ACAD9: variants seen among roughly 807,000 people sequenced by gnomAD.
The protein encoded by ACAD9 is acyl-CoA dehydrogenase family member 9, also known as complex I assembly factor ACAD9, mitochondrial.
Under a neutral mutation model 70.2 loss-of-function variants are expected in ACAD9, and 53 were observed. The ratio of observed to expected loss-of-function variants is 0.75; its 90% CI spans 0.61 to 0.95. The LOEUF (loss-of-function observed/expected upper bound fraction) is 0.95, where lower values mean the gene tolerates loss of function less well. Ranked by LOEUF, ACAD9 falls within the 40% of genes least tolerant of loss-of-function variation. The pLI, the probability that ACAD9 is intolerant of heterozygous loss-of-function variation, is 0.00. For missense variants in ACAD9, 777 were observed against 802.8 expected (o/e 0.97, Z 0.39); for synonymous variants, 313 against 312.1 (o/e 1.00, Z -0.03).
chr3:128,908,089 G>C, intron 12 of ACAD9, 96 bp from the exon 13 acceptor site: 1 of 1,184,780 alleles, frequency 8.4e-7, no homozygotes, highest in African/African-American at 1.5e-5. Context: ...GTGGCAATGG[G>C]CAAGCAGGCA....
chr3:128,893,802 G>A (rs1434095942), intron 3 of ACAD9, 146 bp downstream of exon 3: 3 of 721,038 alleles, frequency 4.2e-6, no homozygotes, highest in African/African-American at 1.7e-5. Flanking sequence ...GACCTGTAGG[G>A]AGGAAGTGTT....
intron 1 of ACAD9, 65 bp from the exon 2 acceptor site, chr3:128,884,588 C>A: frequency 8.3e-7 from 1 of 1,211,676 alleles, no homozygotes; most frequent in Non-Finnish European, 1.2e-6. Flanking sequence ...TCCCTTTTAA[C>A]TGATATTTCC....
intron 2 of ACAD9, among the ~76,000 whole-genome samples, chr3:128,885,548 T>C (rs1194705660): frequency 8.5e-5 from 13 of 152,100 alleles, no homozygotes; most frequent in Admixed American, 8.5e-4. Flanking sequence ...CGCACCCCCA[T>C]GCCCAGCTAA....
intron 6 of ACAD9, chr3:128,898,450 G>C (rs1209085091): frequency 2.3e-6 from 1 of 430,324 alleles, no homozygotes; most frequent in Admixed American, 2.5e-5. Context: ...CTGTCACCCA[G>C]GCTGGAGTGC....
chr3:128,903,506 A>G (rs1011645737), intron 9 of ACAD9, among the ~76,000 whole-genome samples: 1 of 152,164 alleles, frequency 6.6e-6, no homozygotes, highest in African/African-American at 2.4e-5. Context: ...TGTGGAGGAC[A>G]TGGCTATGGC....
At chr3:128,906,286 C>G in intron 12 of ACAD9, 37 bp downstream of exon 12, 1 of 1,612,358 alleles carries the variant, frequency 6.2e-7, no homozygotes. Flanking sequence ...TGTGCTCCAC[C>G]CCCACCCTGC....
chr3:128,879,709 C>G lies in ACAD9; in HGVS notation c.18C>G (p.Leu6=). The G allele has an allele frequency of 1.9e-6, 3 of 1,612,872 alleles. No individual in the cohort carries two copies. Among genetic ancestry groups the G allele is most frequent in the Non-Finnish European group, 2.5e-6 (3 of 1,179,926 alleles). The change falls in exon 1 of 18, where the codon CTC becomes CTG. Residue 6 remains leucine, a synonymous_variant. Transcript: ENST00000308982. ...CGGGCAGCATGAGCGGCTGCGGGCT[C>G]TTCCTGCGCACCACGGCTGCGGCTC... MSGCG[L]FLRTTAAARA... is the part of the protein sequence containing the mutation.
intron 2 of ACAD9, among the ~76,000 whole-genome samples, chr3:128,887,062 A>T (rs1003154313): frequency 1.3e-5 from 2 of 150,734 alleles, no homozygotes; most frequent in Non-Finnish European, 2.9e-5. Context: ...AGTAGCTGGA[A>T]TTATAGCACG....
chr3:128,896,381 C>T, intron 4 of ACAD9, 55 bp from the exon 5 acceptor site: 1 of 1,533,012 alleles, frequency 6.5e-7, no homozygotes, highest in Non-Finnish European at 9.0e-7. Context: ...TCACAAACAC[C>T]TCATGCTCTC....
chr3:128,886,714 GA>G (rs1162374201), intron 2 of ACAD9, among the ~76,000 whole-genome samples: 6 of 90,172 alleles, frequency 6.7e-5, no homozygotes, highest in South Asian at 3.6e-4. Context: ...GTCTCAAAAA[GA>G]AAAAAAAAAG....
In ACAD9 at chr3:128,910,085, T is replaced by C; in HGVS notation, c.1628T>C (p.Met543Thr). Reference sequence around the variant, plus strand: ...AACATCCTCATCAACCTGTATGGCATGACGGCCGTGCTGTCGCGGGCCAGC... The same window carrying C: ...AACATCCTCATCAACCTGTATGGCACGACGGCCGTGCTGTCGCGGGCCAGC... ...VANILINLYG[M>T]TAVLSRASRS... is the part of the protein sequence containing the mutation. Residue 543 changes from methionine to threonine, a missense_variant, in exon 16 of 18, where the codon ATG becomes ACG. Coordinates refer to ENST00000308982, the MANE Select transcript of ACAD9 (RefSeq NM_014049.5). The C allele has an allele frequency of 6.2e-7, 1 of 1,614,016 alleles. No individual in the cohort carries two copies. The highest frequency in any genetic ancestry group is 8.5e-7 in the Non-Finnish European group (1 of 1,180,016).
chr3:128,904,413 G>A lies in ACAD9; in HGVS notation c.1057G>A (p.Ala353Thr). ...QEKFALMAQKAYVMESMTYLT... is the reference protein window; with the variant it reads ...QEKFALMAQKTYVMESMTYLT... ...GAAATTTGCACTGATGGCTCAGAAGGCTTACGTCATGGAGAGTATGACCTA... is the reference window on the plus strand; with the variant it reads ...GAAATTTGCACTGATGGCTCAGAAGACTTACGTCATGGAGAGTATGACCTA... Residue 353 changes from alanine to threonine, a missense_variant, in exon 11 of 18, where the codon GCT becomes ACT. Physicochemically the swap from Ala to Thr is moderately conservative, Grantham distance 58. Transcript: ENST00000308982. 6.2e-7 allele frequency: 1 copy of A among 1,614,238 alleles called. No individual in the cohort carries two copies. Among genetic ancestry groups the A allele is most frequent in the Non-Finnish European group, 8.5e-7 (1 of 1,180,046 alleles).
At chr3:128,909,556 G>T (rs1936050494) in intron 15 of ACAD9, 135 bp downstream of exon 15, 1 of 964,474 alleles carries the variant, frequency 1.0e-6, no homozygotes, top group African/African-American at 1.6e-5. Flanking sequence ...GGGATGGGGT[G>T]GTGAGGTCAG....
chr3:128,881,576 G>A (rs1198763618), intron 1 of ACAD9, among the ~76,000 whole-genome samples: 1 of 152,098 alleles, frequency 6.6e-6, no homozygotes, highest in Admixed American at 6.6e-5. Context: ...TGGATCTTGA[G>A]CCCTTACCAT....
chr3:128,910,300 C>T (rs755323145), intron 16 of ACAD9, 151 bp downstream of exon 16: 2 of 1,501,432 alleles, frequency 1.3e-6, no homozygotes, highest in South Asian at 2.6e-5. Flanking sequence ...CTGTGCTGCT[C>T]AGGAGATGGG....
At chr3:128,880,825 G>C (rs768267160) in intron 1 of ACAD9, among the ~76,000 whole-genome samples, 2 of 152,192 alleles carry the variant, frequency 1.3e-5, no homozygotes, top group Non-Finnish European at 2.9e-5. Context: ...AGAGAGAGCT[G>C]GCTTCAACAC....
At chr3:128,884,201 A>G (rs1456193209) in intron 1 of ACAD9, among the ~76,000 whole-genome samples, 4 of 152,204 alleles carry the variant, frequency 2.6e-5, no homozygotes, top group Non-Finnish European at 5.9e-5. Flanking sequence ...CACATCCACT[A>G]TCTTCCACGA....
intron 2 of ACAD9, among the ~76,000 whole-genome samples, chr3:128,892,532 T>C (rs141076251): frequency 6.6e-6 from 1 of 152,208 alleles, no homozygotes; most frequent in Non-Finnish European, 1.5e-5. Context: ...CTGTAGTGAA[T>C]GTGAATTTTT....
rs565078746 is a variant in ACAD9, at chr3:128,895,371, G to A, written c.408G>A (p.Gly136=). 6.2e-7 allele frequency: 1 copy of A among 1,612,808 alleles called. No homozygotes were observed. The highest frequency in any genetic ancestry group is 2.2e-5 in the East Asian group (1 of 44,870). ...SRLGEIISMD[G]SITVTLAAHQ... ...TAGGGGAGATCATCAGCATGGATGG[G>A]TCCATCACTGTGACCCTGGCAGCGC... is the stretch of plus-strand genomic sequence containing the variant. Residue 136 remains glycine, a synonymous_variant, in exon 4 of 18, where the codon GGG becomes GGA. Coordinates refer to ENST00000308982, the MANE Select transcript of ACAD9 (RefSeq NM_014049.5).
Sources: gnomAD v4.1 joint callset for allele counts (sites outside exome capture counted in the v4.1 genomes callset) on GRCh38, gnomAD v4.1.1 for gene constraint, MANE v1.5 for transcripts, NCBI Gene and HGNC (gene_info 2026-07-23, HGNC 2026-07-21) for gene names.